Variants in SLC2A13 observed in about 807,000 individuals in gnomAD.
SLC2A13 encodes solute carrier family 2 member 13.
Under a neutral mutation model 64.4 loss-of-function variants are expected in SLC2A13, and 32 were observed. The observed-to-expected ratio is 0.50, with a 90% CI of 0.37 to 0.67. The LOEUF is 0.67. Among genes scored for constraint, SLC2A13 ranks in the 30% least tolerant of loss-of-function variants. The pLI, the probability that SLC2A13 is intolerant of heterozygous loss-of-function variation, is 0.00. For synonymous variants in SLC2A13, 338 were observed against 327.1 expected, an observed-to-expected ratio of 1.03 and a Z score of -0.36; for missense variants, 743 against 829.2, an observed-to-expected ratio of 0.90 and a Z score of 1.28.
At chr12:40,014,083 G>A (rs1486850949) in intron 3 of SLC2A13, among the ~76,000 whole-genome samples, 2 of 152,012 alleles carry the variant, frequency 1.3e-5, no homozygotes. Flanking sequence ...AAAAGTTCCT[G>A]GAGACAAAAG....
intron 4 of SLC2A13, among the ~76,000 whole-genome samples, chr12:39,925,005 G>A (rs1945694897): frequency 1.3e-5 from 2 of 148,810 alleles, no homozygotes; most frequent in South Asian, 4.2e-4. Flanking sequence ...GAATAAATAG[G>A]TTAAGTGTCC....
chr12:39,769,330 T>G (rs1940476145), intron 7 of SLC2A13, among the ~76,000 whole-genome samples: 1 of 152,046 alleles, frequency 6.6e-6, no homozygotes, highest in African/African-American at 2.4e-5. Flanking sequence ...ATTTATCAAT[T>G]TCAGTTGAGA....
At chr12:40,053,029 T>C (rs1259704464) in intron 1 of SLC2A13, among the ~76,000 whole-genome samples, 1 of 152,094 alleles carries the variant, frequency 6.6e-6, no homozygotes, top group Non-Finnish European at 1.5e-5. Flanking sequence ...ATGCCTATAA[T>C]CCCAGCACTT....
chr12:39,956,227 T>C (rs1361489643), intron 3 of SLC2A13, among the ~76,000 whole-genome samples: 2 of 152,188 alleles, frequency 1.3e-5, no homozygotes, highest in African/African-American at 4.8e-5. Context: ...ATACTGAATT[T>C]GTTAAAAACG....
At chr12:39,969,670 G>GT (rs534125189) in intron 3 of SLC2A13, among the ~76,000 whole-genome samples, 54 of 152,176 alleles carry the variant, frequency 3.5e-4, no homozygotes, top group East Asian at 2.1e-3. Flanking sequence ...TTGTAAATTT[G>GT]TTGGAGTTCA....
chr12:39,934,393 G>A (rs184498743), intron 4 of SLC2A13, among the ~76,000 whole-genome samples: 1 of 152,192 alleles, frequency 6.6e-6, no homozygotes, highest in African/African-American at 2.4e-5. Flanking sequence ...AACCTCAAAG[G>A]CATAGATGAG....
chr12:39,919,237 A>G (rs1945573838), intron 4 of SLC2A13, among the ~76,000 whole-genome samples: 1 of 152,108 alleles, frequency 6.6e-6, no homozygotes, highest in Non-Finnish European at 1.5e-5. Flanking sequence ...CCGATTATAA[A>G]TATTGTAGCA....
At chr12:39,978,036 G>A (rs1198859035) in intron 3 of SLC2A13, among the ~76,000 whole-genome samples, 4 of 152,216 alleles carry the variant, frequency 2.6e-5, no homozygotes, top group African/African-American at 7.2e-5. Context: ...TGTGAGCTCA[G>A]TAACCATGTA....
At chr12:39,938,132 C>T (rs998999852) in intron 4 of SLC2A13, among the ~76,000 whole-genome samples, 3 of 152,076 alleles carry the variant, frequency 2.0e-5, no homozygotes, top group Non-Finnish European at 2.9e-5. Context: ...AACTGCAGTA[C>T]ACAGGGAGCA....
chr12:40,056,568 T>C (rs537842418), intron 1 of SLC2A13, among the ~76,000 whole-genome samples: 4 of 152,316 alleles, frequency 2.6e-5, no homozygotes, highest in African/African-American at 9.6e-5. Flanking sequence ...TAAGTGGTGT[T>C]TTGTCATATT....
chr12:39,794,522 T>C (rs1176791293), intron 7 of SLC2A13, among the ~76,000 whole-genome samples: 1 of 152,196 alleles, frequency 6.6e-6, no homozygotes, highest in Non-Finnish European at 1.5e-5. Context: ...TAGCCAAGTC[T>C]CAGCCAATCG....
intron 7 of SLC2A13, among the ~76,000 whole-genome samples, chr12:39,766,134 TCTC>T (rs1940340994): frequency 1.3e-5 from 2 of 152,108 alleles, no homozygotes; most frequent in Admixed American, 6.6e-5. Flanking sequence ...ACTTTGTTTA[TCTC>T]CTCATTTCTG....
rs114301420 is a variant in SLC2A13, at chr12:39,955,409, C to G, written c.926-4044G>C. 3.0e-3 allele frequency among the ~76,000 whole-genome samples: 461 copies of G among 152,030 alleles called. 3 individuals are homozygous for G. Among genetic ancestry groups the G allele is most frequent in the African/African-American group, 0.011 (436 of 41,482 alleles). ...CCTTAAGAAACCAGAAAAAGACAGACGAGTGAAACCCAAAGTATGCACACG... is the reference window on the plus strand; with the variant it reads ...CCTTAAGAAACCAGAAAAAGACAGAGGAGTGAAACCCAAAGTATGCACACG... On this transcript the variant is annotated intron_variant, in intron 3 of 9. Transcript: ENST00000280871.
rs549522501 is a variant in SLC2A13 at position 39,810,599 on chromosome 12, A to G, written c.1445+19504T>C. The stretch of plus-strand genomic sequence containing the variant: ...AATATTTTGCTATTAAGTATAATGT[A>G]AGCTGTAGGTTTTTAAGAGATGTTA... On this transcript the variant is annotated intron_variant, in intron 7 of 9. Transcript: ENST00000280871. Among the ~76,000 whole-genome samples, 6 of 152,292 alleles carry G rather than the reference A, an allele frequency of 3.9e-5. No homozygotes were observed. The South Asian group carries it at 1.2e-3, about 32-fold the overall frequency.
At chr12:40,011,963 A>G (rs1321462891) in intron 3 of SLC2A13, among the ~76,000 whole-genome samples, 1 of 152,104 alleles carries the variant, frequency 6.6e-6, no homozygotes, top group Non-Finnish European at 1.5e-5. Flanking sequence ...TGCAATAGCC[A>G]CCTAGTGATA....
At chr12:40,064,022 C>A (rs1051322869) in intron 1 of SLC2A13, among the ~76,000 whole-genome samples, 2 of 152,030 alleles carry the variant, frequency 1.3e-5, no homozygotes, top group African/African-American at 4.8e-5. Flanking sequence ...ATGAGAGGAT[C>A]GCTTCAAGCC....
chr12:39,822,557 T>C (rs934650847), intron 7 of SLC2A13, among the ~76,000 whole-genome samples: 1 of 152,204 alleles, frequency 6.6e-6, no homozygotes, highest in East Asian at 1.9e-4. Context: ...TCATCTCTGC[T>C]GTACACCTTC....
chr12:40,021,067 T>C (rs1947707516), intron 3 of SLC2A13, among the ~76,000 whole-genome samples: 1 of 152,212 alleles, frequency 6.6e-6, no homozygotes, highest in African/African-American at 2.4e-5. Flanking sequence ...TGGATTTAAG[T>C]ACATCTTAGC....
At chr12:40,062,610 A>T (rs1948440632) in intron 1 of SLC2A13, among the ~76,000 whole-genome samples, 1 of 152,146 alleles carries the variant, frequency 6.6e-6, no homozygotes, top group Non-Finnish European at 1.5e-5. Context: ...ACTAAGTTTT[A>T]CTGCATTGTA....
Sources: gnomAD v4.1 joint callset for allele counts (sites outside exome capture counted in the v4.1 genomes callset) on GRCh38, gnomAD v4.1.1 for gene constraint, MANE v1.5 for transcripts, NCBI Gene and HGNC (gene_info 2026-07-23, HGNC 2026-07-21) for gene names.